The following ARPC5 variants were observed in gnomAD, a reference collection of about 807,000 sequenced individuals.
The protein encoded by ARPC5 is actin-related protein 2/3 complex subunit 5.
Under a neutral mutation model 15.4 loss-of-function variants are expected in ARPC5, and 5 were observed. That is an observed-to-expected ratio of 0.32 (90% CI 0.17 to 0.68). ARPC5 has a LOEUF of 0.68. ARPC5 is among the 30% of genes least tolerant of loss of function. The probability of loss-of-function intolerance (pLI) is 0.71; values close to 1 mark genes in which losing one functional copy is unlikely to be tolerated. For missense variants in ARPC5, 138 were observed against 192.8 expected, an observed-to-expected ratio of 0.72 and a Z score of 1.68; for synonymous variants, 85 against 72.2, an observed-to-expected ratio of 1.18 and a Z score of -0.90.
In ARPC5 at chr1:183,623,531, G is replaced by A; in HGVS notation, c.*4001C>T. 1.3e-6 allele frequency: 2 copies of A among 1,549,740 alleles called. No individual in the cohort carries two copies. Among genetic ancestry groups the A allele is most frequent in the Non-Finnish European group, 1.7e-6 (2 of 1,146,486 alleles). Reference sequence around the variant, plus strand: ...TATTGTACTAGTGACATTGGGGTGAGGGGGAGAGGGAGTGGGGCAGAGGTC... The same window carrying A: ...TATTGTACTAGTGACATTGGGGTGAAGGGGAGAGGGAGTGGGGCAGAGGTC... On this transcript the variant is annotated 3_prime_UTR_variant, in exon 4 of 4. Coordinates refer to ENST00000359856, the MANE Select transcript of ARPC5 (RefSeq NM_005717.4).
At chr1:183,629,923 G>C (rs1649216899) in intron 3 of ARPC5, among the ~76,000 whole-genome samples, 1 of 152,036 alleles carries the variant, frequency 6.6e-6, no homozygotes, top group Non-Finnish European at 1.5e-5. Flanking sequence ...AACCTCTAAG[G>C]ACTTTCTGTC....
chr1:183,628,167 C>T (rs191310431), intron 3 of ARPC5, among the ~76,000 whole-genome samples: 6,341 of 103,246 alleles, frequency 0.061, 229 homozygotes, highest in Non-Finnish European at 0.082. Flanking sequence ...AGCAAGACTC[C>T]GTCTCAAAAA....
intron 3 of ARPC5, among the ~76,000 whole-genome samples, chr1:183,628,250 C>G (rs1319218472): frequency 6.8e-6 from 1 of 146,472 alleles, no homozygotes; most frequent in Non-Finnish European, 1.5e-5. Flanking sequence ...TTCTGCATTT[C>G]TCATTCTCAC....
chr1:183,635,453 G>C, intron 1 of ARPC5, 64 bp downstream of exon 1: 1 of 1,519,050 alleles, frequency 6.6e-7, no homozygotes. Flanking sequence ...GCAGGCTCCC[G>C]GGTCCCAGGA....
In ARPC5 at chr1:183,635,760, T is replaced by C; in HGVS notation, c.-101A>G. ...ACCCGGCGCCTGATTCACTTCCCTC[T>C]TCCGCTCTGAGGCGTCGCCGACTGC... On this transcript the variant is annotated 5_prime_UTR_variant, in exon 1 of 4. Coordinates refer to ENST00000359856, the MANE Select transcript of ARPC5 (RefSeq NM_005717.4). 6.7e-7 allele frequency: 1 copy of C among 1,487,704 alleles called. No homozygotes were observed. The highest frequency in any genetic ancestry group is 1.4e-5 in the African/African-American group (1 of 71,446). The allele number at this position is 1,487,704 out of a possible 1,614,324, so 92.2% of individuals were successfully genotyped here.
chr1:183,630,583 T>C lies in ARPC5; in HGVS notation c.271A>G (p.Ile91Val). Residue 91 changes from isoleucine to valine, a missense_variant, in exon 3 of 4, where the codon ATA becomes GTA. Ile to Val is a conservative substitution (Grantham distance 29). Transcript: ENST00000359856. ...TCCAGAGATTGAACTGCCTTTTCTA[T>C]ATCATTAGCTTTAAAAGAGATGAGC... is the stretch of plus-strand genomic sequence containing the variant. ...KVLISFKAND[I>V]EKAVQSLDKN... 6.2e-7 allele frequency: 1 copy of C among 1,614,146 alleles called. No individual in the cohort carries two copies. Among genetic ancestry groups the C allele is most frequent in the Admixed American group, 1.7e-5 (1 of 60,024 alleles).
chr1:183,623,276 A>G lies in ARPC5; in HGVS notation c.*4256T>C. 1 of 720,052 alleles carries G rather than the reference A, an allele frequency of 1.4e-6. No homozygotes were observed. The highest frequency in any genetic ancestry group is 2.3e-6 in the Non-Finnish European group (1 of 431,356). 44.6% of individuals were successfully genotyped at this position (720,052 alleles called of 1,614,324 possible). ...TAAGAGATGTAAACATAGATTATTT[A>G]TGTTGATTACTCTTACACACTCAAG... is the stretch of plus-strand genomic sequence containing the variant. On this transcript the variant is annotated 3_prime_UTR_variant, in exon 4 of 4. Coordinates refer to ENST00000359856, the MANE Select transcript of ARPC5 (RefSeq NM_005717.4).
Position 183,622,821 on chromosome 1 carries a change from A to G in ARPC5, c.*4711T>C, listed in dbSNP as rs2101951291. On this transcript the variant is annotated 3_prime_UTR_variant, in exon 4 of 4. Coordinates refer to ENST00000359856, the MANE Select transcript of ARPC5 (RefSeq NM_005717.4). Reference sequence around the variant, plus strand: ...CTTCTTAACTGTCCACATTGAAGTGAATTGAAATTCTTTGTGACTAAACTT... The same window carrying G: ...CTTCTTAACTGTCCACATTGAAGTGGATTGAAATTCTTTGTGACTAAACTT... 1 of 152,702 alleles carries G rather than the reference A, an allele frequency of 6.5e-6. No homozygotes were observed. The highest frequency in any genetic ancestry group is 3.4e-3 in the Middle Eastern group (1 of 294). 9.5% of individuals were successfully genotyped at this position (152,702 alleles called of 1,614,324 possible).
rs1649066141 is a variant in ARPC5 at position 183,625,325 on chromosome 1, T to C, written c.*2207A>G. The stretch of plus-strand genomic sequence containing the variant: ...ATCCATTTTGACTCGGTCTCTATAT[T>C]ATACTACTTGTTAAATATTTTTAGT... On this transcript the variant is annotated 3_prime_UTR_variant, in exon 4 of 4. Transcript: ENST00000359856. The C allele has an allele frequency of 6.6e-6, 1 of 152,086 alleles. No homozygotes were observed. The highest frequency in any genetic ancestry group is 1.5e-5 in the Non-Finnish European group (1 of 68,040). The allele number at this position is 152,086 out of a possible 1,614,324, so 9.4% of individuals were successfully genotyped here. A position where few individuals can be genotyped will look rare whatever the true frequency, so the allele number is the denominator to read the frequency against.
In ARPC5 at chr1:183,623,552, A is replaced by G; in HGVS notation, c.*3980T>C. 1 of 1,544,176 alleles carries G rather than the reference A, an allele frequency of 6.5e-7. No homozygotes were observed. The highest frequency in any genetic ancestry group is 8.8e-7 in the Non-Finnish European group (1 of 1,141,918). ...GTGAGGGGGAGAGGGAGTGGGGCAG[A>G]GGTCCCGCGGCAGGAATATGGACAG... On this transcript the variant is annotated 3_prime_UTR_variant, in exon 4 of 4. Transcript: ENST00000359856.
intron 1 of ARPC5, among the ~76,000 whole-genome samples, chr1:183,634,901 CCTTCTT>C (rs748276518): frequency 2.0e-5 from 3 of 146,946 alleles, no homozygotes; most frequent in African/African-American, 7.8e-5. Context: ...TGCCAAATCC[CCTTCTT>C]CTTCTTCTTT....
chr1:183,621,835 C>T lies in ARPC5; in HGVS notation c.*5697G>A, dbSNP rs1215545543. On this transcript the variant is annotated 3_prime_UTR_variant, in exon 4 of 4. Transcript: ENST00000359856. ...GGATTTGGTGGGTTTTGGCCAGCTT[C>T]TTTACTGCAAACTGTTTTATCAGCA... 6.6e-6 allele frequency: 1 copy of T among 152,344 alleles called. No homozygotes were observed. The highest frequency in any genetic ancestry group is 1.9e-4 in the East Asian group (1 of 5,184). 9.4% of individuals were successfully genotyped at this position (152,344 alleles called of 1,614,324 possible).
In ARPC5 at chr1:183,625,772, G is replaced by A. The variant is rs1447764768; in HGVS notation, c.*1760C>T. 2.6e-5 allele frequency: 4 copies of A among 152,200 alleles called. No individual in the cohort carries two copies. The highest frequency in any genetic ancestry group is 5.9e-5 in the Non-Finnish European group (4 of 68,036). 9.4% of individuals were successfully genotyped at this position (152,200 alleles called of 1,614,324 possible). On this transcript the variant is annotated 3_prime_UTR_variant, in exon 4 of 4. Transcript: ENST00000359856. ...AGCTTATCTTCACCCATAGGACCCT[G>A]AATTGCCTGGAAGTGTTTTAAAGTG...
At chr1:183,635,053 A>C (rs930099519) in intron 1 of ARPC5, among the ~76,000 whole-genome samples, 2 of 152,086 alleles carry the variant, frequency 1.3e-5, no homozygotes, top group South Asian at 4.1e-4. Context: ...AACAAAAAAC[A>C]AAACCACTAA....
intron 2 of ARPC5, chr1:183,632,042 C>T (rs939792443): frequency 2.0e-5 from 3 of 152,098 alleles, no homozygotes; most frequent in African/African-American, 2.4e-5. Context: ...GAAATTTCAA[C>T]GACAATCTTT....
chr1:183,626,320 A>G lies in ARPC5; in HGVS notation c.*1212T>C, dbSNP rs1463484348. The G allele has an allele frequency of 6.6e-6, 1 of 152,258 alleles. No individual in the cohort carries two copies. Among genetic ancestry groups the G allele is most frequent in the East Asian group, 1.9e-4 (1 of 5,204 alleles). 9.4% of individuals were successfully genotyped at this position (152,258 alleles called of 1,614,324 possible). ...ATAGAATTTCTGCACCAGTTTGCAC[A>G]TAAGTCAGTGATTACAAAACTGGCA... On this transcript the variant is annotated 3_prime_UTR_variant, in exon 4 of 4. Coordinates refer to ENST00000359856, the MANE Select transcript of ARPC5 (RefSeq NM_005717.4).
At chr1:183,630,858 G>A in intron 2 of ARPC5, 1 of 443,594 alleles carries the variant, frequency 2.3e-6, no homozygotes, top group Non-Finnish European at 4.0e-6. Context: ...CAATGTGGTT[G>A]GAGTGGATTG....
Position 183,623,580 on chromosome 1 carries a change from G to A in ARPC5, c.*3952C>T. 1 of 1,494,838 alleles carries A rather than the reference G, an allele frequency of 6.7e-7. No homozygotes were observed. The highest frequency in any genetic ancestry group is 9.1e-7 in the Non-Finnish European group (1 of 1,098,344). 92.6% of individuals were successfully genotyped at this position (1,494,838 alleles called of 1,614,324 possible). A position where few individuals can be genotyped will look rare whatever the true frequency, so the allele number is the denominator to read the frequency against. On this transcript the variant is annotated 3_prime_UTR_variant, in exon 4 of 4. Coordinates refer to ENST00000359856, the MANE Select transcript of ARPC5 (RefSeq NM_005717.4). ...TCCCGCGGCAGGAATATGGACAGAA[G>A]CAGCCTTGTTTAAGGGCACTTGGTT...
rs1572201932 is a variant in ARPC5, at chr1:183,635,479, CTGGGCTGGGG to C, written c.143+28_143+37del. 3 of 969,842 alleles carry C rather than the reference CTGGGCTGGGG, an allele frequency of 3.1e-6. No individual in the cohort carries two copies. The East Asian group carries it at 1.4e-4, about 47-fold the overall frequency. 60.1% of individuals were successfully genotyped at this position (969,842 alleles called of 1,614,324 possible). On this transcript the variant is annotated intron_variant, in intron 1 of 3. Transcript: ENST00000359856. The stretch of plus-strand genomic sequence containing the variant: ...GGTCCCAGGAGAAGGGCGGGCTGGG[CTGGGCTGGGG>C]TGGGGAGGGCGGTGAATGCAAGGAT...
Sources: gnomAD v4.1 joint callset for allele counts (sites outside exome capture counted in the v4.1 genomes callset) on GRCh38, gnomAD v4.1.1 for gene constraint, MANE v1.5 for transcripts, NCBI Gene and HGNC (gene_info 2026-07-23, HGNC 2026-07-21) for gene names.